TTC13: variants seen among roughly 807,000 people sequenced by gnomAD.
The protein encoded by TTC13 is tetratricopeptide repeat protein 13.
TTC13 carries 62 observed loss-of-function variants against 120.0 expected under a neutral mutation model. The ratio of observed to expected loss-of-function variants is 0.52; its 90% confidence interval spans 0.42 to 0.64. The LOEUF is 0.64. Ranked by LOEUF, TTC13 falls within the 30% of genes least tolerant of loss-of-function variation. TTC13 has a pLI of 0.00. For synonymous variants in TTC13, 384 were observed against 393.5 expected, an observed-to-expected ratio of 0.98 and a Z score of 0.28; for missense variants, 824 against 1,050.2, an observed-to-expected ratio of 0.78 and a Z score of 2.98.
At chr1:230,947,215 T>G (rs575671575) in intron 4 of TTC13, among the ~76,000 whole-genome samples, 12 of 152,120 alleles carry the variant, frequency 7.9e-5, no homozygotes, top group African/African-American at 2.7e-4. Context: ...ATAAGCACTT[T>G]AAACATTTAA....
chr1:230,978,317 G>A lies in TTC13; in HGVS notation c.271+243C>T, dbSNP rs1234722045. Among the ~76,000 whole-genome samples the A allele has an allele frequency of 1.3e-5, 2 of 152,190 alleles. No individual in the cohort carries two copies. Among genetic ancestry groups the A allele is most frequent in the Admixed American group, 1.3e-4 (2 of 15,282 alleles). On this transcript the variant is annotated intron_variant, in intron 1 of 22. Transcript: ENST00000366661. This position sits in a 1 kb window ranked among gnomAD's most constrained non-coding sequence, Gnocchi z 5.6. ...GAGAGAGGCCGCCCTGGCCCCAGGA[G>A]CATGCTGTCAGCTCATTTCTCGACT...
intron 4 of TTC13, among the ~76,000 whole-genome samples, 182 bp from the exon 5 acceptor site, chr1:230,945,636 GA>G (rs1674923154): frequency 6.6e-6 from 1 of 152,162 alleles, no homozygotes; most frequent in African/African-American, 2.4e-5. Flanking sequence ...TCATTTGTAT[GA>G]AATGTGATAA....
At chr1:230,930,569 T>C (rs896746366) in intron 11 of TTC13, among the ~76,000 whole-genome samples, 2 of 152,214 alleles carry the variant, frequency 1.3e-5, no homozygotes, top group Admixed American at 1.3e-4. Context: ...TTCTCCAAAA[T>C]ATATGAGAAT....
At chr1:230,971,213 G>C (rs2103003524) in intron 1 of TTC13, among the ~76,000 whole-genome samples, 1 of 152,026 alleles carries the variant, frequency 6.6e-6, no homozygotes, top group Middle Eastern at 3.4e-3. Context: ...GGGCGTGGTG[G>C]CGGGCGCCTG....
chr1:230,922,626 C>T (rs1672681719), intron 15 of TTC13, among the ~76,000 whole-genome samples: 1 of 152,190 alleles, frequency 6.6e-6, no homozygotes, highest in Admixed American at 6.5e-5. Context: ...GTCACAGTTT[C>T]CTGACCATAC....
Position 230,944,012 on chromosome 1 carries a change from A to G in TTC13, c.580-114T>C. ...GATGTAACCAATTGTTTAAAAATAA[A>G]TATGAACTTCACTTCTATGTAAGAG... On this transcript the variant is annotated intron_variant, in intron 5 of 22. Transcript: ENST00000366661. This position sits in a 1 kb window ranked among gnomAD's most constrained non-coding sequence, Gnocchi z 4.0. The G allele has an allele frequency of 1.9e-6, 1 of 534,098 alleles. No homozygotes were observed. The highest frequency in any genetic ancestry group is 3.2e-5 in the East Asian group (1 of 30,858). The allele number at this position is 534,098 out of a possible 1,614,324, so 33.1% of individuals were successfully genotyped here. A position where few individuals can be genotyped will look rare whatever the true frequency, so the allele number is the denominator to read the frequency against.
intron 4 of TTC13, among the ~76,000 whole-genome samples, chr1:230,950,496 A>G (rs911879570): frequency 6.6e-6 from 1 of 152,128 alleles, no homozygotes; most frequent in African/African-American, 2.4e-5. Flanking sequence ...ATTTTACAGT[A>G]TTTACTGTAT....
chr1:230,913,788 T>C (rs57947447), intron 18 of TTC13, among the ~76,000 whole-genome samples: 2,310 of 151,612 alleles, frequency 0.015, 54 homozygotes, highest in African/African-American at 0.053. Context: ...GGGATGGGAG[T>C]GAGAGACCCA....
At chr1:230,916,378 G>T (rs1340748818) in intron 17 of TTC13, 76 bp from the exon 18 acceptor site, 2 of 1,076,164 alleles carry the variant, frequency 1.9e-6, no homozygotes, top group East Asian at 4.7e-5. Context: ...TGTAGTGCTG[G>T]CTCTACCTTA....
chr1:230,915,276 C>A (rs749556153), intron 18 of TTC13, among the ~76,000 whole-genome samples: 2 of 152,120 alleles, frequency 1.3e-5, no homozygotes, highest in Non-Finnish European at 2.9e-5. Flanking sequence ...GAGTCATAGT[C>A]TCACTGCTGA....
Position 230,945,465 on chromosome 1 carries a change from C to A in TTC13, c.514-11G>T. 6.2e-7 allele frequency: 1 copy of A among 1,613,566 alleles called. No homozygotes were observed. The highest frequency in any genetic ancestry group is 8.5e-7 in the Non-Finnish European group (1 of 1,179,592). The stretch of plus-strand genomic sequence containing the variant: ...CAGATCAGGCTCCTCCTAGTCAGAC[C>A]AAAACAAAAACACGTCAAAAACCAT... On this transcript the variant is annotated splice_polypyrimidine_tract_variant and intron_variant, in intron 4 of 22. Transcript: ENST00000366661.
chr1:230,973,467 G>T lies in TTC13; in HGVS notation c.271+5093C>A, dbSNP rs574214759. On this transcript the variant is annotated intron_variant, in intron 1 of 22. Transcript: ENST00000366661. Reference sequence around the variant, plus strand: ...TAAATGCCTTTTCCCATAAAGAACTGTGGGAAAATAGAATAAATGCAATTC... The same window carrying T: ...TAAATGCCTTTTCCCATAAAGAACTTTGGGAAAATAGAATAAATGCAATTC... 1.2e-4 allele frequency among the ~76,000 whole-genome samples: 18 copies of T among 152,250 alleles called. No individual in the cohort carries two copies. The South Asian group carries it at 3.5e-3, about 30-fold the overall frequency.
intron 15 of TTC13, 37 bp downstream of exon 15, chr1:230,923,804 C>G (rs375078508): frequency 1.8e-5 from 28 of 1,565,140 alleles, no homozygotes; most frequent in Non-Finnish European, 3.5e-6. Context: ...AGAATAAACT[C>G]CTAGGAAAAG....
At chr1:230,936,395 C>A (rs761294626) in intron 8 of TTC13, 2 of 378,324 alleles carry the variant, frequency 5.3e-6, no homozygotes, top group South Asian at 4.0e-5. Context: ...GCCATCCCAC[C>A]ATTTTCAGTC....
Position 230,950,863 on chromosome 1 carries a change from C to T in TTC13, c.513+3470G>A, listed in dbSNP as rs1456603918. Among the ~76,000 whole-genome samples the T allele has an allele frequency of 3.3e-5, 5 of 152,170 alleles. No homozygotes were observed. The East Asian group carries it at 9.6e-4, about 29-fold the overall frequency. ...TCCCTGCATGAGGACCAAAGCAGCA[C>T]AGAAATCAGGAAAAAGTTCTACTTT... On this transcript the variant is annotated intron_variant, in intron 4 of 22. Transcript: ENST00000366661.
intron 1 of TTC13, 52 bp from the exon 2 acceptor site, chr1:230,961,355 G>C (rs763057439): frequency 1.5e-6 from 2 of 1,322,628 alleles, no homozygotes; most frequent in Non-Finnish European, 2.1e-6. Context: ...TATGCTCTTA[G>C]GTGCTTAACT....
intron 3 of TTC13, among the ~76,000 whole-genome samples, chr1:230,958,022 G>A (rs144247975): frequency 8.1e-6 from 1 of 123,984 alleles, no homozygotes; most frequent in East Asian, 2.3e-4. Flanking sequence ...AGCTGGAAAA[G>A]ATTATTCCAT....
chr1:230,957,054 A>T (rs1359839408), intron 3 of TTC13, among the ~76,000 whole-genome samples: 1 of 152,244 alleles, frequency 6.6e-6, no homozygotes, highest in Non-Finnish European at 1.5e-5. Context: ...CTCTGAACTC[A>T]TTATTCAATA....
chr1:230,978,591 G>A lies in TTC13; in HGVS notation c.240C>T (p.Asp80=). 2 of 1,388,378 alleles carry A rather than the reference G, an allele frequency of 1.4e-6. 1 individual carries two copies. The highest frequency in any genetic ancestry group is 2.7e-5 in the South Asian group (2 of 74,458). 86.0% of individuals were successfully genotyped at this position (1,388,378 alleles called of 1,614,324 possible). ...ACTCGGCAGAGTACTGGTCCCCCCA[G>A]TCCCCGGACTGCGGGCTGCAGCCGC... ...GGGGCSPQSG[D]WGDQYSAECG... Residue 80 remains aspartate (D), a synonymous_variant, in exon 1 of 23, where the codon GAC becomes GAT. Coordinates refer to ENST00000366661, the MANE Select transcript of TTC13 (RefSeq NM_024525.5). The surrounding 1 kb of genome is among the most constrained non-coding windows in gnomAD (Gnocchi z 5.6).
Sources: gnomAD v4.1 joint callset for allele counts (sites outside exome capture counted in the v4.1 genomes callset) on GRCh38, gnomAD v4.1.1 for gene constraint, Gnocchi (gnomAD v3.1) non-coding constraint, MANE v1.5 for transcripts, NCBI Gene and HGNC (gene_info 2026-07-23, HGNC 2026-07-21) for gene names.